The following OR2T10 variants were observed in gnomAD, a reference collection of about 807,000 sequenced individuals.
OR2T10 encodes the protein olfactory receptor family 2 subfamily T member 10.
For synonymous variants in OR2T10, 125 were observed against 141.8 expected (o/e 0.88, Z 0.84); for missense variants, 335 against 382.5 (o/e 0.88, Z 1.04).
rs571996230 is a variant in OR2T10 at position 248,592,084 on chromosome 1, C to G, written c.*746G>C. 6.9e-6 allele frequency: 1 copy of G among 144,022 alleles called. No homozygotes were observed. Among genetic ancestry groups the G allele is most frequent in the Non-Finnish European group, 1.5e-5 (1 of 66,448 alleles). The allele number at this position is 144,022 out of a possible 1,614,324, so 8.9% of individuals were successfully genotyped here. ...TTCTCTGGTTAAGTCTATGAATAAA[C>G]CAATTATACTCCAAACATGTTGTAG... is the stretch of plus-strand genomic sequence containing the variant. On this transcript the variant is annotated 3_prime_UTR_variant, in exon 2 of 2. Coordinates refer to ENST00000642090, the MANE Select transcript of OR2T10 (RefSeq NM_001004693.2).
At position 248,593,456 on chromosome 1, in the gene OR2T10, G is replaced by A; in HGVS notation, c.313C>T (p.Leu105=). Residue 105 remains leucine (L), a synonymous_variant, in exon 2 of 2, where the codon CTG becomes TTG. Coordinates refer to ENST00000642090, the MANE Select transcript of OR2T10 (RefSeq NM_001004693.2). ...CAGCACTCTGCACCTCCCAACTGCA[G>A]GTAGAAGTACATCTGGGTGCCACAC... is the stretch of plus-strand genomic sequence containing the variant. ...LGCGTQMYFY[L]QLGGAECCLL... 1 of 1,572,538 alleles carries A rather than the reference G, an allele frequency of 6.4e-7. No homozygotes were observed. Among genetic ancestry groups the A allele is most frequent in the Non-Finnish European group, 8.6e-7 (1 of 1,156,608 alleles).
At position 248,591,843 on chromosome 1, in the gene OR2T10, G is replaced by T. The variant is rs1478613995; in HGVS notation, c.*987C>A. 1 of 144,082 alleles carries T rather than the reference G, an allele frequency of 6.9e-6. No individual in the cohort carries two copies. Among genetic ancestry groups the T allele is most frequent in the African/African-American group, 2.7e-5 (1 of 36,752 alleles). The allele number at this position is 144,082 out of a possible 1,614,324, so 8.9% of individuals were successfully genotyped here. ...TTCAGTTAAATCAACTGTAGAATAA[G>T]GCTAATAATAGGCTGTGAAAATAAA... On this transcript the variant is annotated 3_prime_UTR_variant, in exon 2 of 2. Transcript: ENST00000642090.
Position 248,592,028 on chromosome 1 carries a change from G to A in OR2T10, c.*802C>T, listed in dbSNP as rs1572088005. Reference sequence around the variant, plus strand: ...TCTAAGTATGTGTCACCATTGGCTTGAACAGGGAGAAGTGTGCGAAACTTC... The same window carrying A: ...TCTAAGTATGTGTCACCATTGGCTTAAACAGGGAGAAGTGTGCGAAACTTC... On this transcript the variant is annotated 3_prime_UTR_variant, in exon 2 of 2. Transcript: ENST00000642090. The A allele has an allele frequency of 6.9e-6, 1 of 143,950 alleles. No homozygotes were observed. The highest frequency in any genetic ancestry group is 2.2e-4 in the South Asian group (1 of 4,596). The allele number at this position is 143,950 out of a possible 1,614,324, so 8.9% of individuals were successfully genotyped here. A position where few individuals can be genotyped will look rare whatever the true frequency, so the allele number is the denominator to read the frequency against.
rs779339815 is a variant in OR2T10 at position 248,593,713 on chromosome 1, C to T, written c.56G>A (p.Ser19Asn). 4 of 1,566,492 alleles carry T rather than the reference C, an allele frequency of 2.6e-6. No individual in the cohort carries two copies. Among genetic ancestry groups the T allele is most frequent in the Non-Finnish European group, 3.5e-6 (4 of 1,153,534 alleles). ...GAGGCGGCCAGGGTGTGAGATCTGG[C>T]TGAAGATTCCCAACAGGAAAAAGTC... is the stretch of plus-strand genomic sequence containing the variant. The part of the protein sequence containing the change: ...GGDFFLLGIF[S>N]QISHPGRLCL... The change falls in exon 2 of 2, where the codon AGC (serine) becomes AAC (asparagine). Residue 19 changes from serine (S) to asparagine (N), a missense_variant. By Grantham distance (46) the Ser-to-Asn change is conservative. Coordinates refer to ENST00000642090, the MANE Select transcript of OR2T10 (RefSeq NM_001004693.2).
intron 1 of OR2T10, among the ~76,000 whole-genome samples, chr1:248,596,519 CTG>C (rs1216345295): frequency 7.0e-6 from 1 of 143,064 alleles, no homozygotes; most frequent in African/African-American, 2.8e-5. Context: ...TCCACAGACA[CTG>C]AAACAAGGGG....
rs1332701256 is a variant in OR2T10, at chr1:248,591,579, G to A, written c.*1251C>T. ...CTTACAGATAAAAAAACATTCCGAA[G>A]AGAGGGAAAGCCACGTGAAAACATT... On this transcript the variant is annotated 3_prime_UTR_variant, in exon 2 of 2. Coordinates refer to ENST00000642090, the MANE Select transcript of OR2T10 (RefSeq NM_001004693.2). The A allele has an allele frequency of 2.1e-5, 3 of 143,720 alleles. No individual in the cohort carries two copies. Among genetic ancestry groups the A allele is most frequent in the Non-Finnish European group, 4.5e-5 (3 of 66,354 alleles). 8.9% of individuals were successfully genotyped at this position (143,720 alleles called of 1,614,324 possible).
chr1:248,594,265 G>A lies in OR2T10; in HGVS notation c.-28-469C>T, dbSNP rs541184989. ...TTCTTAAATCTCGTTACAAATCTAC[G>A]AACATACAATTTTTCAATACTTAAA... On this transcript the variant is annotated intron_variant, in intron 1 of 1. Coordinates refer to ENST00000642090, the MANE Select transcript of OR2T10 (RefSeq NM_001004693.2). 4.9e-5 allele frequency among the ~76,000 whole-genome samples: 7 copies of A among 142,694 alleles called. No individual in the cohort carries two copies. The East Asian group carries it at 1.0e-3, about 21-fold the overall frequency. 93.6% of individuals were successfully genotyped at this position (142,694 alleles called of 152,430 possible). A position where few individuals can be genotyped will look rare whatever the true frequency, so the allele number is the denominator to read the frequency against.
At chr1:248,596,455 A>T (rs1660092930) in intron 1 of OR2T10, among the ~76,000 whole-genome samples, 1 of 143,010 alleles carries the variant, frequency 7.0e-6, no homozygotes, top group Non-Finnish European at 1.5e-5. Context: ...TCAGGAGAAC[A>T]AAAGTGAGAG....
chr1:248,592,657 A>G lies in OR2T10; in HGVS notation c.*173T>C, dbSNP rs1353256519. The G allele has an allele frequency of 6.2e-6, 3 of 485,632 alleles. 1 individual carries two copies. Among genetic ancestry groups the G allele is most frequent in the Non-Finnish European group, 1.1e-5 (3 of 275,438 alleles). The allele number at this position is 485,632 out of a possible 1,614,324, so 30.1% of individuals were successfully genotyped here. On this transcript the variant is annotated 3_prime_UTR_variant, in exon 2 of 2. Transcript: ENST00000642090. Reference sequence around the variant, plus strand: ...AATGCTACGAGGGAAGGGGGGGATAAGTGAACATCATCTCAAGTGTGATTA... The same window carrying G: ...AATGCTACGAGGGAAGGGGGGGATAGGTGAACATCATCTCAAGTGTGATTA...
Sources: gnomAD v4.1 joint callset for allele counts (sites outside exome capture counted in the v4.1 genomes callset) on GRCh38, gnomAD v4.1.1 for gene constraint, MANE v1.5 for transcripts, NCBI Gene and HGNC (gene_info 2026-07-23, HGNC 2026-07-21) for gene names.